KIF17: variants seen among roughly 807,000 people sequenced by gnomAD.
The protein encoded by KIF17 is kinesin family member 17.
A neutral mutation model predicts 96.8 loss-of-function variants in KIF17; 80 were observed. The ratio of observed to expected loss-of-function variants is 0.83; its 90% CI spans 0.69 to 1.00. The LOEUF (loss-of-function observed/expected upper bound fraction) is 1.00. Ranked by LOEUF, KIF17 falls within the 50% of genes least tolerant of loss-of-function variation. The pLI is 0.00. For synonymous variants in KIF17, 567 were observed against 587.5 expected (o/e 0.97, Z 0.51); for missense variants, 1,280 against 1,372.9 (o/e 0.93, Z 1.07).
chr1:20,705,550 G>A (rs571490597), intron 4 of KIF17, among the ~76,000 whole-genome samples: 6 of 152,178 alleles, frequency 3.9e-5, no homozygotes, highest in South Asian at 2.1e-4. Flanking sequence ...CTGTGCCGGC[G>A]CGCAGAACTG....
Position 20,682,681 on chromosome 1 carries a change from C to T in KIF17, c.2435G>A (p.Ser812Asn), listed in dbSNP as rs2053850447. The T allele has an allele frequency of 6.2e-7, 1 of 1,613,950 alleles. No individual in the cohort carries two copies. Among genetic ancestry groups the T allele is most frequent in the African/African-American group, 1.3e-5 (1 of 74,922 alleles). Residue 812 changes from serine to asparagine, a missense_variant, in exon 11 of 15, where the codon AGC becomes AAC. Physicochemically the swap from Ser to Asn is conservative, Grantham distance 46 (BLOSUM62 1). Coordinates refer to ENST00000400463, the MANE Select transcript of KIF17 (RefSeq NM_001122819.3). ...DSIQEEVRAK[S>N]KLLEKMQRKL... The stretch of plus-strand genomic sequence containing the variant: ...CCTCTGCATCTTCTCCAGCAGCTTG[C>T]TCTTGGCCCGCACTTCCTCCTGGAT...
intron 1 of KIF17, 27 bp downstream of exon 1, chr1:20,717,449 G>C (rs776818086): frequency 6.2e-7 from 1 of 1,607,840 alleles, no homozygotes. Context: ...CCTGCCGCCT[G>C]CAGGGCGGCC....
At position 20,672,289 on chromosome 1, in the gene KIF17, G is replaced by A. The variant is rs570878139; in HGVS notation, c.2464-93C>T. 5.5e-4 allele frequency: 830 copies of A among 1,509,848 alleles called. 2 individuals are homozygous for A. Among genetic ancestry groups the A allele is most frequent in the South Asian group, 8.8e-4 (75 of 85,146 alleles). 93.5% of individuals were successfully genotyped at this position (1,509,848 alleles called of 1,614,324 possible). On this transcript the variant is annotated intron_variant, in intron 11 of 14. Transcript: ENST00000400463. The surrounding 1 kb of genome is among the most constrained non-coding windows in gnomAD (Gnocchi z 4.3). ...CACTCACTGTCCTGCCAGCAGCCAC[G>A]CATCGTCTGTTCATTGGCCTGATCA...
chr1:20,682,137 A>ATGCACACACATACAACATACCCGCATGCG (rs942885306), intron 11 of KIF17, among the ~76,000 whole-genome samples: 18 of 151,774 alleles, frequency 1.2e-4, no homozygotes, highest in South Asian at 4.2e-4. Context: ...ACCCGCATGC[A>ATGCACACACATACAACATACCCGCATGCG]TGCACACACA....
downstream of KIF17, chr1:20,663,917 G>T (rs1391075623): frequency 6.3e-6 from 1 of 158,338 alleles, no homozygotes; most frequent in Non-Finnish European, 1.4e-5. Flanking sequence ...CCAGGCAAAA[G>T]AACCCTTTTT....
At chr1:20,712,433 G>A (rs956517615) in intron 3 of KIF17, among the ~76,000 whole-genome samples, 1 of 150,388 alleles carries the variant, frequency 6.6e-6, no homozygotes, top group Non-Finnish European at 1.5e-5. Context: ...ATGTGGTGGT[G>A]CATGCCTGTA....
In KIF17 at chr1:20,682,898, G is replaced by C; in HGVS notation, c.2232-14C>G. On this transcript the variant is annotated splice_polypyrimidine_tract_variant and intron_variant, in intron 10 of 14. Transcript: ENST00000400463. Reference sequence around the variant, plus strand: ...AACAGCTGCAGACTGCCGGCGTGGAGGAGAAAGCAAACAAGACAATATCTG... The same window carrying C: ...AACAGCTGCAGACTGCCGGCGTGGACGAGAAAGCAAACAAGACAATATCTG... 2 of 1,604,938 alleles carry C rather than the reference G, an allele frequency of 1.2e-6. No individual in the cohort carries two copies. Among genetic ancestry groups the C allele is most frequent in the Non-Finnish European group, 1.7e-6 (2 of 1,177,250 alleles).
rs746697901 is a variant in KIF17 at position 20,698,431 on chromosome 1, G to A, written c.1181C>T (p.Pro394Leu). The change falls in exon 6 of 15, where the codon CCC becomes CTC. Residue 394 changes from proline to leucine, a missense_variant. By Grantham distance (98) the Pro-to-Leu change is moderately conservative. Transcript: ENST00000400463. The stretch of plus-strand genomic sequence containing the variant: ...CACGTCATGCTGGATCACAGGTTGG[G>A]GCAACAGCTTCTCCTCCACCTGCAC... ...DPVQVEEKLL[P>L]QPVIQHDVEA... 11 of 1,613,842 alleles carry A rather than the reference G, an allele frequency of 6.8e-6. 1 individual carries two copies. The South Asian group carries it at 8.8e-5, about 13-fold the overall frequency.
intron 13 of KIF17, among the ~76,000 whole-genome samples, chr1:20,669,348 T>G (rs1377646979): frequency 6.6e-6 from 1 of 150,502 alleles, no homozygotes; most frequent in African/African-American, 2.4e-5. Context: ...CCATCCTGGC[T>G]AACACAGTGA....
intron 6 of KIF17, among the ~76,000 whole-genome samples, chr1:20,695,627 C>T (rs550576329): frequency 6.6e-6 from 1 of 152,144 alleles, no homozygotes; most frequent in South Asian, 2.1e-4. Context: ...TGGTAAGTCA[C>T]AGAGAACAGG....
intron 13 of KIF17, among the ~76,000 whole-genome samples, chr1:20,667,882 T>A (rs1454360721): frequency 4.6e-5 from 7 of 152,090 alleles, no homozygotes; most frequent in Admixed American, 4.6e-4. Flanking sequence ...TCGTGGTGCA[T>A]GCCTGTAATC....
chr1:20,712,840 AG>A (rs796196162), intron 3 of KIF17, among the ~76,000 whole-genome samples: 11 of 15,766 alleles, frequency 7.0e-4, no homozygotes, highest in African/African-American at 1.7e-3. Context: ...TCTATATTAT[AG>A]ATATAGATAA....
intron 11 of KIF17, among the ~76,000 whole-genome samples, chr1:20,676,808 G>A (rs1469503878): frequency 6.6e-6 from 1 of 152,052 alleles, no homozygotes; most frequent in Non-Finnish European, 1.5e-5. Flanking sequence ...TCCAGCCTGG[G>A]CAAAAGAACG....
chr1:20,670,338 C>T (rs2053618029), intron 13 of KIF17, 83 bp downstream of exon 13: 2 of 1,337,244 alleles, frequency 1.5e-6, no homozygotes, highest in Non-Finnish European at 2.1e-6. Context: ...AAAACCAGCT[C>T]TCCACAGTAA....
chr1:20,687,556 C>G lies in KIF17; in HGVS notation c.1770G>C (p.Leu590=), dbSNP rs759694974. 1.6e-5 allele frequency: 26 copies of G among 1,613,866 alleles called. 1 individual carries two copies. In the South Asian group the frequency reaches 2.7e-4, roughly 17 times the overall value. Residue 590 remains leucine, a synonymous_variant, in exon 8 of 15, where the codon CTG becomes CTC. Transcript: ENST00000400463. The surrounding 1 kb of genome is among the most constrained non-coding windows in gnomAD (Gnocchi z 4.4). ...CTTGCGGGAGGTAGTTCTGTTCCCC[C>G]AGCAGGTGCCCAGCGGCCTCCTGCC... is the stretch of plus-strand genomic sequence containing the variant. ...CLGQEAAGHL[L]GEQNYLPQEE... is the part of the protein sequence containing the mutation.
Position 20,717,756 on chromosome 1 carries a change from G to T in KIF17, c.-50C>A. 6.7e-7 allele frequency: 1 copy of T among 1,501,462 alleles called. No homozygotes were observed. Among genetic ancestry groups the T allele is most frequent in the South Asian group, 1.2e-5 (1 of 80,464 alleles). 93.0% of individuals were successfully genotyped at this position (1,501,462 alleles called of 1,614,324 possible). A position where few individuals can be genotyped will look rare whatever the true frequency, so the allele number is the denominator to read the frequency against. ...ACCAGAGCTGACCCCCGCCCCGCCG[G>T]GGACTCCCAGCAGCCCGGGCCAAGG... is the stretch of plus-strand genomic sequence containing the variant. On this transcript the variant is annotated 5_prime_UTR_variant, in exon 1 of 15. Coordinates refer to ENST00000400463, the MANE Select transcript of KIF17 (RefSeq NM_001122819.3).
chr1:20,695,128 G>GCA (rs35124380), intron 6 of KIF17, among the ~76,000 whole-genome samples: 36,145 of 147,624 alleles, frequency 0.24, 4,643 homozygotes, highest in East Asian at 0.44. Context: ...ATACACACAC[G>GCA]CACACACACG....
rs562792585 is a variant in KIF17, at chr1:20,690,245, G to A, written c.1324C>T (p.Arg442Cys). 291 of 1,612,052 alleles carry A rather than the reference G, an allele frequency of 1.8e-4. 2 individuals are homozygous for A. In the Admixed American group the frequency reaches 3.1e-3, roughly 17 times the overall value. ...ARLEEDITAMRNSYDVRLSTL... is the reference protein window; with the variant it reads ...ARLEEDITAMCNSYDVRLSTL... ...GACAGCCTGACGTCATATGAGTTGC[G>A]CATGGCAGTGATGTCTTCCTCCAGC... The change falls in exon 7 of 15, where the codon CGC becomes TGC. Residue 442 changes from arginine (R) to cysteine (C), a missense_variant. Physicochemically the swap from Arg to Cys is radical, Grantham distance 180. Coordinates refer to ENST00000400463, the MANE Select transcript of KIF17 (RefSeq NM_001122819.3).
In KIF17 at chr1:20,684,844, C is replaced by A. The variant is rs766994045; in HGVS notation, c.2196G>T (p.Pro732=). ...GMEVAVLTDD[P]LPVVDQQQVL... ...CCTGCTGCTGGTCCACAACGGGCAG[C>A]GGGTCATCAGTCAGCACTGCCACCT... Residue 732 remains proline (P), a synonymous_variant, in exon 10 of 15, where the codon CCG becomes CCT. Coordinates refer to ENST00000400463, the MANE Select transcript of KIF17 (RefSeq NM_001122819.3). The A allele has an allele frequency of 1.1e-5, 18 of 1,593,176 alleles. No individual in the cohort carries two copies. The highest frequency in any genetic ancestry group is 1.5e-5 in the Non-Finnish European group (18 of 1,170,336).
Sources: gnomAD v4.1 joint callset for allele counts (sites outside exome capture counted in the v4.1 genomes callset) on GRCh38, gnomAD v4.1.1 for gene constraint, Gnocchi (gnomAD v3.1) non-coding constraint, MANE v1.5 for transcripts, NCBI Gene and HGNC (gene_info 2026-07-23, HGNC 2026-07-21) for gene names.